The following UPF3B variants were observed in gnomAD, a reference collection of about 807,000 sequenced individuals.
UPF3B encodes the protein regulator of nonsense transcripts 3B.
In UPF3B, 7 loss-of-function variants were observed where a neutral mutation model predicts 40.3. That is an observed-to-expected ratio of 0.17 (90% CI 0.10 to 0.33). UPF3B has a LOEUF of 0.33. Ranked by LOEUF, UPF3B falls within the 10% of genes least tolerant of loss-of-function variation. The pLI is 1.00. For synonymous variants in UPF3B, 117 were observed against 117.3 expected, an observed-to-expected ratio of 1.00 and a Z score of 0.01; for missense variants, 229 against 358.9, an observed-to-expected ratio of 0.64 and a Z score of 2.93.
At chrX:119,825,883 G>A (rs2055973539) in intron 3 of UPF3B, among the ~76,000 whole-genome samples, 1 of 112,326 alleles carries the variant, frequency 8.9e-6, no homozygotes, top group African/African-American at 3.2e-5. Flanking sequence ...AGTCAGCCAG[G>A]TGTGGTGGCT....
At chrX:119,835,601 A>C (rs112066134) in intron 10 of UPF3B, among the ~76,000 whole-genome samples, 4,533 of 112,010 alleles carry the variant, frequency 0.04, 190 homozygotes, top group African/African-American at 0.14. Context: ...ATGGGGATGT[A>C]ATCTGCCAAT....
intron 7 of UPF3B, 106 bp from the exon 8 acceptor site, chrX:119,840,790 T>C (rs1035247092): frequency 1.0e-4 from 83 of 815,015 alleles, no homozygotes; most frequent in Non-Finnish European, 1.4e-4. Context: ...AAGCCCTCAT[T>C]TACTATGAAT....
intron 3 of UPF3B, among the ~76,000 whole-genome samples, chrX:119,828,879 C>A (rs2056008466): frequency 1.8e-5 from 2 of 110,176 alleles, no homozygotes; most frequent in South Asian, 7.7e-4. Context: ...AACCACCACA[C>A]CCAGCTAATT....
In UPF3B at chrX:119,834,359, G is replaced by A. The variant is rs1392657121; in HGVS notation, c.*519C>T. On this transcript the variant is annotated 3_prime_UTR_variant, in exon 11 of 11. Coordinates refer to ENST00000276201, the MANE Select transcript of UPF3B (RefSeq NM_080632.3). Reference sequence around the variant, plus strand: ...TAACTATTTAAATTTTTGTATCAACGAAAGTGTGTTCTATCCTTCACTGTA... The same window carrying A: ...TAACTATTTAAATTTTTGTATCAACAAAAGTGTGTTCTATCCTTCACTGTA... The A allele has an allele frequency of 4.1e-5, 31 of 756,649 alleles. No homozygotes were observed. The highest frequency in any genetic ancestry group is 4.7e-5 in the Non-Finnish European group (30 of 641,252). 62.4% of individuals were successfully genotyped at this position (756,649 alleles called of 1,213,427 possible). A position where few individuals can be genotyped will look rare whatever the true frequency, so the allele number is the denominator to read the frequency against.
chrX:119,807,714 T>A, intron 5 of UPF3B: 1 of 207,040 alleles, frequency 4.8e-6, no homozygotes, highest in Non-Finnish European at 7.2e-6. Flanking sequence ...GAGGGCATGG[T>A]AAATGACAAC....
chrX:119,816,042 A>G (rs1358815686), intron 4 of UPF3B, among the ~76,000 whole-genome samples: 1 of 111,571 alleles, frequency 9.0e-6, no homozygotes, highest in Non-Finnish European at 1.9e-5. Flanking sequence ...TCGGCCTCCC[A>G]AAGTGCTGGG....
chrX:119,850,523 T>TTGAAG (rs765499518), intron 3 of UPF3B, among the ~76,000 whole-genome samples: 1 of 111,202 alleles, frequency 9.0e-6, no homozygotes, highest in East Asian at 2.8e-4. Context: ...TGACAAAAAT[T>TTGAAG]TAATTTTTAC....
intron 10 of UPF3B, among the ~76,000 whole-genome samples, chrX:119,835,501 T>G (rs1201417958): frequency 1.8e-5 from 2 of 111,968 alleles, no homozygotes; most frequent in African/African-American, 6.5e-5. Flanking sequence ...TCCCAAATTG[T>G]TGGGATTACA....
rs1410132047 is a variant in UPF3B at position 119,834,474 on chromosome X, G to T, written c.*404C>A. 4 of 857,503 alleles carry T rather than the reference G, an allele frequency of 4.7e-6. No individual in the cohort carries two copies. Among genetic ancestry groups the T allele is most frequent in the Non-Finnish European group, 5.7e-6 (4 of 705,259 alleles). 70.7% of individuals were successfully genotyped at this position (857,503 alleles called of 1,213,427 possible). A position where few individuals can be genotyped will look rare whatever the true frequency, so the allele number is the denominator to read the frequency against. ...TACAATAGAATTAGATCGGAACAAG[G>T]CTTCAAAGCGACTCTGCTCCACCCA... On this transcript the variant is annotated 3_prime_UTR_variant, in exon 11 of 11. Transcript: ENST00000276201.
intron 5 of UPF3B, 114 bp from the exon 6 acceptor site, chrX:119,841,892 C>T: frequency 3.6e-6 from 2 of 548,878 alleles, no homozygotes; most frequent in Non-Finnish European, 6.3e-6. Context: ...ACCCCTTATG[C>T]AGAAAGATCA....
intron 3 of UPF3B, among the ~76,000 whole-genome samples, chrX:119,825,512 T>A (rs887358160): frequency 8.9e-6 from 1 of 111,845 alleles, no homozygotes; most frequent in Admixed American, 9.6e-5. Context: ...AAAATCTTTT[T>A]GCACCAAAAT....
chrX:119,822,018 G>A (rs936262725), intron 4 of UPF3B, among the ~76,000 whole-genome samples: 1 of 111,575 alleles, frequency 9.0e-6, no homozygotes, highest in African/African-American at 3.3e-5. Context: ...AAACTAGATT[G>A]TCAAGAATCC....
At chrX:119,823,133 A>AAGGT in intron 3 of UPF3B, 1 of 401,670 alleles carries the variant, frequency 2.5e-6, no homozygotes, top group Non-Finnish European at 3.2e-6. Context: ...ATTAATATAT[A>AAGGT]CTAAAGCCCA....
downstream of UPF3B, chrX:119,831,818 TTTTC>T (rs1488952768): frequency 3.3e-5 from 15 of 460,513 alleles, no homozygotes; most frequent in East Asian, 1.9e-4. Flanking sequence ...TTACATGGGA[TTTTC>T]TTTATCATAA....
At position 119,852,906 on chromosome X, in the gene UPF3B, C is replaced by T; in HGVS notation, c.23G>A (p.Arg8Lys). MKEEKEH[R>K]PKEKRVTLLT... ...CAGGGTTACTCGCTTCTCCTTAGGC[C>T]TGTGCTCCTTCTCTTCCTTCATGGC... The change falls in exon 1 of 11, where the codon AGG becomes AAG. Residue 8 changes from arginine (R) to lysine (K), a missense_variant. Around this residue, in one of 3 missense-constraint regions of UPF3B, gnomAD observed 23 missense variants for 21.0 expected, o/e 1.10. Transcript: ENST00000276201. 8.2e-7 allele frequency: 1 copy of T among 1,212,555 alleles called. No homozygotes were observed. The highest frequency in any genetic ancestry group is 1.1e-6 in the Non-Finnish European group (1 of 895,689).
intron 4 of UPF3B, among the ~76,000 whole-genome samples, chrX:119,844,855 G>A: frequency 8.9e-6 from 1 of 112,024 alleles, no homozygotes; most frequent in Middle Eastern, 4.6e-3. Context: ...CGCCCGCCTT[G>A]GCCTCCCAAA....
intron 5 of UPF3B, among the ~76,000 whole-genome samples, chrX:119,842,629 C>CACACACACAGAG (rs202167619): frequency 9.3e-6 from 1 of 107,212 alleles, no homozygotes; most frequent in African/African-American, 3.5e-5. Context: ...CACACACACA[C>CACACACACAGAG]AGAGAGAGAG....
rs190209585 is a variant in UPF3B at position 119,846,680 on chromosome X, A to T, written c.371-1384T>A. Among the ~76,000 whole-genome samples the T allele has an allele frequency of 7.2e-5, 8 of 110,835 alleles. No individual in the cohort carries two copies. The East Asian group carries it at 2.2e-3, about 31-fold the overall frequency. On this transcript the variant is annotated intron_variant, in intron 3 of 10. Transcript: ENST00000276201. Reference sequence around the variant, plus strand: ...AAAAGCACAGGCAACAAAAGTAAAAATACAGAGGGTAGATCTCATGTTAAG... The same window carrying T: ...AAAAGCACAGGCAACAAAAGTAAAATTACAGAGGGTAGATCTCATGTTAAG...
At chrX:119,812,868 T>C (rs1231868256) in intron 5 of UPF3B, among the ~76,000 whole-genome samples, 1 of 111,024 alleles carries the variant, frequency 9.0e-6, no homozygotes, top group Admixed American at 9.7e-5. Context: ...ATCAGTTTCA[T>C]TAGTTCACTA....
Sources: allele counts gnomAD v4.1 joint callset (sites outside exome capture counted in the v4.1 genomes callset), GRCh38; gene constraint gnomAD v4.1.1; regional missense constraint gnomAD v4.1.1; transcripts MANE v1.5; gene names NCBI Gene and HGNC (gene_info 2026-07-23, HGNC 2026-07-21).